ICA1: variants seen among roughly 807,000 people sequenced by gnomAD.
ICA1 encodes 69 kDa islet cell autoantigen.
Under a neutral mutation model 71.0 loss-of-function variants are expected in ICA1, and 40 were observed. That is an observed-to-expected ratio of 0.56 (90% confidence interval 0.44 to 0.73). The LOEUF (loss-of-function observed/expected upper bound fraction) is 0.73. Among genes scored for constraint, ICA1 ranks in the 30% least tolerant of loss-of-function variants. The probability of loss-of-function intolerance (pLI) is 0.00; values close to 1 mark genes in which losing one functional copy is unlikely to be tolerated. For synonymous variants in ICA1, 207 were observed against 209.5 expected, an observed-to-expected ratio of 0.99 and a Z score of 0.10; for missense variants, 578 against 576.5, an observed-to-expected ratio of 1.00 and a Z score of -0.03.
chr7:8,227,460 T>C (rs1324226615), intron 4 of ICA1, among the ~76,000 whole-genome samples: 1 of 152,124 alleles, frequency 6.6e-6, no homozygotes. Context: ...GTGGCGGTCA[T>C]GTGTCTTAAT....
intron 6 of ICA1, among the ~76,000 whole-genome samples, chr7:8,192,567 A>G (rs1444336363): frequency 6.6e-6 from 1 of 152,248 alleles, no homozygotes; most frequent in African/African-American, 2.4e-5. Context: ...ATAATTTGAA[A>G]CAATGTAAAG....
In ICA1 at chr7:8,189,730, G is replaced by T. The variant is rs371511033; in HGVS notation, c.579+28575C>A. Among the ~76,000 whole-genome samples, 12 of 152,142 alleles carry T rather than the reference G, an allele frequency of 7.9e-5. No individual in the cohort carries two copies. The East Asian group carries it at 1.4e-3, about 17-fold the overall frequency. ...CAGGTGGGCAGCTGGCTCTGCAAGG[G>T]GGGTAGGCAGCGCTCCCTTGAGCAG... On this transcript the variant is annotated intron_variant, in intron 6 of 13. Transcript: ENST00000402384.
chr7:8,162,401 T>C (rs944646155), intron 6 of ICA1, among the ~76,000 whole-genome samples: 2 of 152,226 alleles, frequency 1.3e-5, no homozygotes, highest in African/African-American at 2.4e-5. Context: ...GGGAGGATGC[T>C]ACACTGTTGG....
At chr7:8,188,476 T>C (rs188089214) in intron 6 of ICA1, among the ~76,000 whole-genome samples, 30 of 152,316 alleles carry the variant, frequency 2.0e-4, no homozygotes, top group African/African-American at 7.2e-4. Flanking sequence ...GAGTCAAGAT[T>C]CCAACCTGAA....
At chr7:8,158,285 G>T in intron 7 of ICA1, 1 of 478,886 alleles carries the variant, frequency 2.1e-6, no homozygotes, top group Non-Finnish European at 3.7e-6. Flanking sequence ...AGGCACTCCA[G>T]GTAGAAGGGA....
intron 13 of ICA1, among the ~76,000 whole-genome samples, chr7:8,118,546 G>A (rs1284639783): frequency 2.0e-5 from 3 of 152,086 alleles, no homozygotes; most frequent in Non-Finnish European, 4.4e-5. Context: ...GTGTAATCCA[G>A]GAATAACATA....
In ICA1 at chr7:8,130,780, A is replaced by T. The variant is rs1471886932; in HGVS notation, c.1061-2638T>A. Among the ~76,000 whole-genome samples the T allele has an allele frequency of 2.0e-5, 3 of 152,246 alleles. No individual in the cohort carries two copies. The highest frequency in any genetic ancestry group is 4.4e-5 in the Non-Finnish European group (3 of 68,042). Reference sequence around the variant, plus strand: ...TTAGCAAGAACAAATAATAAACTGTAAGCCTTCTAAAAATAACCACAGACT... The same window carrying T: ...TTAGCAAGAACAAATAATAAACTGTTAGCCTTCTAAAAATAACCACAGACT... On this transcript the variant is annotated intron_variant, in intron 12 of 13. Coordinates refer to ENST00000402384, the MANE Select transcript of ICA1 (RefSeq NM_001136020.3). This position sits in a 1 kb window ranked among gnomAD's most constrained non-coding sequence, Gnocchi z 4.2.
At chr7:8,204,636 T>C (rs1455477145) in intron 6 of ICA1, among the ~76,000 whole-genome samples, 2 of 152,230 alleles carry the variant, frequency 1.3e-5, no homozygotes, top group Non-Finnish European at 2.9e-5. Context: ...ACATTGTTCA[T>C]TGTGGAGTTT....
At chr7:8,124,421 G>A (rs1788332710) in intron 13 of ICA1, among the ~76,000 whole-genome samples, 1 of 147,458 alleles carries the variant, frequency 6.8e-6, no homozygotes, top group Non-Finnish European at 1.5e-5. Context: ...GCCCAGCCGT[G>A]TATAGGTAGA....
intron 6 of ICA1, among the ~76,000 whole-genome samples, chr7:8,198,313 C>A (rs1036145012): frequency 3.9e-5 from 6 of 152,154 alleles, no homozygotes; most frequent in Non-Finnish European, 8.8e-5. Flanking sequence ...GCAGAGGAGA[C>A]AATATGAGCA....
chr7:8,147,383 A>G (rs578065103), intron 8 of ICA1, among the ~76,000 whole-genome samples: 9 of 152,278 alleles, frequency 5.9e-5, no homozygotes, highest in African/African-American at 1.9e-4. Context: ...TCCCAACGGA[A>G]TGGCTGCAGT....
At chr7:8,219,571 T>C (rs1473986803) in intron 5 of ICA1, among the ~76,000 whole-genome samples, 1 of 152,250 alleles carries the variant, frequency 6.6e-6, no homozygotes, top group Non-Finnish European at 1.5e-5. Flanking sequence ...TTTTAAATAT[T>C]GAGTACTTGT....
intron 5 of ICA1, 146 bp from the exon 6 acceptor site, chr7:8,218,649 G>A (rs1796125136): frequency 2.1e-5 from 14 of 678,014 alleles, no homozygotes; most frequent in Non-Finnish European, 2.3e-5. Context: ...AATAATAATC[G>A]AAATGCATGT....
In ICA1 at chr7:8,114,210, G is replaced by T. The variant is rs1784056395; in HGVS notation, c.1331-166C>A. ...TTAGGGAATTCCAACTCCCGTGGCTGGTTGGCCAGTTAACATTTCCAAACC... is the reference window on the plus strand; with the variant it reads ...TTAGGGAATTCCAACTCCCGTGGCTTGTTGGCCAGTTAACATTTCCAAACC... On this transcript the variant is annotated intron_variant, in intron 13 of 13. Transcript: ENST00000402384. 4.2e-6 allele frequency: 3 copies of T among 715,548 alleles called. No homozygotes were observed. In the Admixed American group the frequency reaches 8.3e-5, roughly 20 times the overall value. 44.3% of individuals were successfully genotyped at this position (715,548 alleles called of 1,614,324 possible).
At position 8,144,806 on chromosome 7, in the gene ICA1, T is replaced by C. The variant is rs923616461; in HGVS notation, c.805-834A>G. ...TAAATACAAAATAAACATCTCAGGATACTTATCCTTCTTATATTCTCAGAA... is the reference window on the plus strand; with the variant it reads ...TAAATACAAAATAAACATCTCAGGACACTTATCCTTCTTATATTCTCAGAA... On this transcript the variant is annotated intron_variant, in intron 8 of 13. Transcript: ENST00000402384. The surrounding 1 kb of genome is among the most constrained non-coding windows in gnomAD (Gnocchi z 4.5). Among the ~76,000 whole-genome samples, 1 of 152,212 alleles carries C rather than the reference T, an allele frequency of 6.6e-6. No individual in the cohort carries two copies. The highest frequency in any genetic ancestry group is 1.5e-5 in the Non-Finnish European group (1 of 68,030).
rs145118137 is a variant in ICA1, at chr7:8,202,599, C to G, written c.579+15706G>C. On this transcript the variant is annotated intron_variant, in intron 6 of 13. Coordinates refer to ENST00000402384, the MANE Select transcript of ICA1 (RefSeq NM_001136020.3). ...ATTTATGATTTCAGAACCTCTAGTGCATTCCCACAAGCACAGAAATGCCAT... is the reference window on the plus strand; with the variant it reads ...ATTTATGATTTCAGAACCTCTAGTGGATTCCCACAAGCACAGAAATGCCAT... Among the ~76,000 whole-genome samples the G allele has an allele frequency of 3.3e-3, 499 of 152,300 alleles. 3 individuals carry two copies. The highest frequency in any genetic ancestry group is 0.011 in the African/African-American group (452 of 41,560).
At chr7:8,124,803 G>C (rs1450087054) in intron 13 of ICA1, among the ~76,000 whole-genome samples, 3 of 148,318 alleles carry the variant, frequency 2.0e-5, no homozygotes, top group African/African-American at 7.5e-5. Context: ...TTTTTTTTCA[G>C]AGACAGAGTC....
chr7:8,227,258 C>A (rs953480189), intron 4 of ICA1, among the ~76,000 whole-genome samples: 2 of 151,964 alleles, frequency 1.3e-5, no homozygotes, highest in African/African-American at 4.8e-5. Context: ...AGACAATAGG[C>A]TAGAGAAAGC....
intron 1 of ICA1, among the ~76,000 whole-genome samples, chr7:8,253,614 A>G (rs561019996): frequency 1.3e-5 from 2 of 152,232 alleles, no homozygotes; most frequent in African/African-American, 2.4e-5. Flanking sequence ...CTATTTTTTT[A>G]TAATCATATT....
Sources: gnomAD v4.1 joint callset for allele counts (sites outside exome capture counted in the v4.1 genomes callset) on GRCh38, gnomAD v4.1.1 for gene constraint, Gnocchi (gnomAD v3.1) non-coding constraint, MANE v1.5 for transcripts, NCBI Gene and HGNC (gene_info 2026-07-23, HGNC 2026-07-21) for gene names.